The following WWOX variants were observed in gnomAD, a reference collection of about 807,000 sequenced individuals.
The protein encoded by WWOX is WW domain containing oxidoreductase.
WWOX carries 69 observed loss-of-function variants against 46.2 expected under a neutral mutation model. The ratio of observed to expected loss-of-function variants is 1.49; its 90% CI spans 1.23 to 1.82. The LOEUF (loss-of-function observed/expected upper bound fraction) is 1.82, where lower values mean the gene tolerates loss of function less well. Ranked by LOEUF, WWOX falls within the 40% of genes most tolerant of loss-of-function variation. WWOX has a pLI of 0.00. For synonymous variants in WWOX, 359 were observed against 202.6 expected, an observed-to-expected ratio of 1.77 and a Z score of -6.56; for missense variants, 919 against 542.6, an observed-to-expected ratio of 1.69 and a Z score of -6.89.
intron 8 of WWOX, among the ~76,000 whole-genome samples, chr16:78,616,854 G>T (rs192236664): frequency 1.3e-5 from 2 of 152,074 alleles, no homozygotes; most frequent in Admixed American, 6.5e-5. Flanking sequence ...CCCAAAGTCC[G>T]CACTTCCTAA....
At chr16:78,592,448 A>G (rs10163424) in intron 8 of WWOX, among the ~76,000 whole-genome samples, 1 of 152,174 alleles carries the variant, frequency 6.6e-6, no homozygotes, top group African/African-American at 2.4e-5. Flanking sequence ...TGTAAGTGTG[A>G]TGAGAATGGA....
intron 8 of WWOX, among the ~76,000 whole-genome samples, chr16:78,483,517 A>C (rs2084549780): frequency 6.7e-6 from 1 of 149,964 alleles, no homozygotes; most frequent in African/African-American, 2.5e-5. Flanking sequence ...TTTATAATGT[A>C]TTTGTGCTAG....
At chr16:78,352,121 G>C (rs11642474) in intron 5 of WWOX, among the ~76,000 whole-genome samples, 1 of 151,978 alleles carries the variant, frequency 6.6e-6, no homozygotes, top group Non-Finnish European at 1.5e-5. Flanking sequence ...GCTGCACCTC[G>C]GCCTATGCGA....
chr16:78,818,434 C>T (rs1047818570), intron 8 of WWOX, among the ~76,000 whole-genome samples: 7 of 152,230 alleles, frequency 4.6e-5, no homozygotes, highest in African/African-American at 1.4e-4. Context: ...TAGGACAAGG[C>T]AGGCCCAGTT....
chr16:78,949,017 G>A (rs572558095), intron 8 of WWOX, among the ~76,000 whole-genome samples: 17 of 152,196 alleles, frequency 1.1e-4, no homozygotes, highest in East Asian at 5.8e-4. Context: ...AAATATGGGC[G>A]GCCCTCAGAA....
chr16:78,364,275 C>G (rs942857836), intron 5 of WWOX, among the ~76,000 whole-genome samples: 7 of 152,218 alleles, frequency 4.6e-5, no homozygotes, highest in Non-Finnish European at 7.3e-5. Context: ...TTACTCTACT[C>G]TCCTGATAGC....
At chr16:79,151,450 G>C (rs1219534520) in intron 8 of WWOX, among the ~76,000 whole-genome samples, 5 of 152,200 alleles carry the variant, frequency 3.3e-5, no homozygotes, top group Non-Finnish European at 5.9e-5. Flanking sequence ...CTCAGCACTG[G>C]CTTGCATTGG....
At chr16:78,745,522 C>CTTTTTTTTTTTTTTT (rs5818168) in intron 8 of WWOX, among the ~76,000 whole-genome samples, 24 of 92,748 alleles carry the variant, frequency 2.6e-4, no homozygotes, top group African/African-American at 5.2e-4. Context: ...TGTGGAAATC[C>CTTTTTTTTTTTTTTT]TTTTTTTTTT....
chr16:78,106,967 A>G (rs1269190198), intron 1 of WWOX, among the ~76,000 whole-genome samples: 1 of 152,230 alleles, frequency 6.6e-6, no homozygotes, highest in African/African-American at 2.4e-5. Context: ...GCACTATGAC[A>G]GAGACCCAGC....
chr16:78,702,833 C>G lies in WWOX; in HGVS notation c.1056+270081C>G, dbSNP rs2048253499. The stretch of plus-strand genomic sequence containing the variant: ...GCTGCGGGTCGAGGGAAACACATAA[C>G]TGGAACAACTGTCCTTTTCCACCAT... On this transcript the variant is annotated intron_variant, in intron 8 of 8. Transcript: ENST00000566780. Among the ~76,000 whole-genome samples, 3 of 152,124 alleles carry G rather than the reference C, an allele frequency of 2.0e-5. No homozygotes were observed. The South Asian group carries it at 6.2e-4, about 32-fold the overall frequency.
At chr16:78,501,621 C>T (rs1341801621) in intron 8 of WWOX, among the ~76,000 whole-genome samples, 2 of 152,032 alleles carry the variant, frequency 1.3e-5, no homozygotes, top group African/African-American at 2.4e-5. Context: ...ACTGCAACCT[C>T]TGTCTCCTGG....
intron 8 of WWOX, among the ~76,000 whole-genome samples, chr16:78,839,992 C>G (rs1225921420): frequency 6.6e-6 from 1 of 152,146 alleles, no homozygotes; most frequent in Non-Finnish European, 1.5e-5. Flanking sequence ...ATCCTCCATT[C>G]CCTTTTCTGA....
intron 8 of WWOX, among the ~76,000 whole-genome samples, chr16:78,912,561 A>C (rs1462346460): frequency 6.6e-6 from 1 of 152,058 alleles, no homozygotes; most frequent in Admixed American, 6.5e-5. Flanking sequence ...AGACAAAACC[A>C]GCAGGGTTAT....
intron 8 of WWOX, among the ~76,000 whole-genome samples, chr16:78,712,400 G>C (rs2048462370): frequency 6.6e-6 from 1 of 151,996 alleles, no homozygotes; most frequent in Admixed American, 6.6e-5. Flanking sequence ...TACTTGGGAG[G>C]CTGAGGCGGG....
At chr16:78,241,910 C>G (rs953500667) in intron 5 of WWOX, among the ~76,000 whole-genome samples, 4 of 152,168 alleles carry the variant, frequency 2.6e-5, no homozygotes, top group Admixed American at 1.3e-4. Flanking sequence ...AGCCCTCTCC[C>G]TCACAAGGCT....
chr16:78,308,840 C>G (rs1472206417), intron 5 of WWOX, among the ~76,000 whole-genome samples: 3 of 152,178 alleles, frequency 2.0e-5, no homozygotes, highest in Non-Finnish European at 4.4e-5. Flanking sequence ...GCTAATAACA[C>G]TTTTAACCAA....
chr16:78,515,108 C>A (rs1597196537), intron 8 of WWOX, among the ~76,000 whole-genome samples: 1 of 152,258 alleles, frequency 6.6e-6, no homozygotes, highest in East Asian at 1.9e-4. Flanking sequence ...CCTGTAATTG[C>A]AGCTACTCAG....
intron 5 of WWOX, among the ~76,000 whole-genome samples, chr16:78,217,367 A>G (rs1597364474): frequency 6.6e-6 from 1 of 152,188 alleles, no homozygotes; most frequent in South Asian, 2.1e-4. Context: ...TATAGGTACA[A>G]CTCTGGTGTG....
At chr16:78,968,503 T>A (rs1597218180) in intron 8 of WWOX, among the ~76,000 whole-genome samples, 2 of 152,226 alleles carry the variant, frequency 1.3e-5, no homozygotes, top group African/African-American at 4.8e-5. Context: ...TTATGTTTCA[T>A]TGTTAACCAT....
Sources: gnomAD v4.1 joint callset for allele counts (sites outside exome capture counted in the v4.1 genomes callset) on GRCh38, gnomAD v4.1.1 for gene constraint, MANE v1.5 for transcripts, NCBI Gene and HGNC (gene_info 2026-07-23, HGNC 2026-07-21) for gene names.